Variants in LMF1 observed in about 807,000 individuals in gnomAD.
The protein encoded by LMF1 is transmembrane protein 112.
A neutral mutation model predicts 60.6 loss-of-function variants in LMF1; 68 were observed. The ratio of observed to expected loss-of-function variants is 1.12; its 90% confidence interval spans 0.92 to 1.37. The LOEUF is 1.37. Ranked by LOEUF, LMF1 falls within the 40% of genes most tolerant of loss-of-function variation. LMF1 has a pLI of 0.00. For missense variants in LMF1, 948 were observed against 767.2 expected (o/e 1.24, Z -2.78); for synonymous variants, 418 against 324.7 (o/e 1.29, Z -3.09).
intron 6 of LMF1, among the ~76,000 whole-genome samples, chr16:875,048 C>G (rs1397670029): frequency 6.6e-6 from 1 of 152,198 alleles, no homozygotes; most frequent in Non-Finnish European, 1.5e-5. Context: ...GGCCACGCCG[C>G]AGAGCACAGC....
intron 3 of LMF1, among the ~76,000 whole-genome samples, chr16:918,629 G>C (rs1187255185): frequency 6.6e-6 from 1 of 152,086 alleles, no homozygotes; most frequent in East Asian, 1.9e-4. Flanking sequence ...TGGGCTGCGG[G>C]GACGTTGTGC....
At chr16:909,090 T>C (rs890968833) in intron 4 of LMF1, among the ~76,000 whole-genome samples, 1 of 152,086 alleles carries the variant, frequency 6.6e-6, no homozygotes, top group African/African-American at 2.4e-5. Context: ...TGAGAGGCCA[T>C]GTAACCCTCC....
At chr16:889,856 G>A (rs1442969259) in intron 5 of LMF1, among the ~76,000 whole-genome samples, 3 of 152,170 alleles carry the variant, frequency 2.0e-5, no homozygotes, top group Non-Finnish European at 4.4e-5. Flanking sequence ...ACGGGAGGGA[G>A]CATCCTCGTC....
chr16:954,191 C>G (rs539202018), intron 2 of LMF1, 166 bp downstream of exon 2: 1 of 758,690 alleles, frequency 1.3e-6, no homozygotes, highest in South Asian at 1.5e-5. Flanking sequence ...GCTGCTGTGG[C>G]TGGTGCACTG....
chr16:916,594 G>A (rs1311191983), intron 3 of LMF1, among the ~76,000 whole-genome samples: 1 of 152,170 alleles, frequency 6.6e-6, no homozygotes, highest in South Asian at 2.1e-4. Flanking sequence ...CGCCAGTGGC[G>A]GGGCTGGGCA....
chr16:964,949 G>T (rs1183782851), intron 1 of LMF1, among the ~76,000 whole-genome samples: 1 of 152,218 alleles, frequency 6.6e-6, no homozygotes, highest in Non-Finnish European at 1.5e-5. Context: ...CAGAACAGAC[G>T]CCACAGTGCG....
At chr16:921,775 C>T (rs73499219) in intron 3 of LMF1, among the ~76,000 whole-genome samples, 19,711 of 152,232 alleles carry the variant, frequency 0.13, 1,426 homozygotes, top group South Asian at 0.2. Flanking sequence ...TACGTAACAA[C>T]GCAGCAAACC....
intron 9 of LMF1, chr16:869,346 G>A (rs1049911829): frequency 4.6e-6 from 3 of 647,166 alleles, no homozygotes; most frequent in Non-Finnish European, 8.6e-6. Context: ...CTGAGGCTCA[G>A]TTTTCTGGTG....
chr16:978,661 C>CGGT, intron 1 of LMF1, among the ~76,000 whole-genome samples: 3 of 152,170 alleles, frequency 2.0e-5, no homozygotes, highest in African/African-American at 7.2e-5. Flanking sequence ...ACTGCAAGGC[C>CGGT]CACTAGCAGG....
intron 3 of LMF1, among the ~76,000 whole-genome samples, chr16:927,008 C>T (rs538950399): frequency 1.0e-3 from 153 of 152,324 alleles, no homozygotes; most frequent in African/African-American, 3.6e-3. Flanking sequence ...CCCGAGACCC[C>T]AGTGGAGAGC....
intron 4 of LMF1, 46 bp downstream of exon 4, chr16:910,885 G>A (rs2071090740): frequency 1.9e-6 from 3 of 1,608,084 alleles, no homozygotes; most frequent in African/African-American, 2.7e-5. Flanking sequence ...CAGGTTAGAA[G>A]AGCCACCGTT....
At chr16:932,787 GT>G (rs1231453917) in intron 3 of LMF1, among the ~76,000 whole-genome samples, 3 of 152,324 alleles carry the variant, frequency 2.0e-5, no homozygotes, top group African/African-American at 7.2e-5. Context: ...GAAGAATGTA[GT>G]TTTCTCTGTG....
chr16:976,166 C>A (rs56255214), intron 1 of LMF1: 16,918 of 452,990 alleles, frequency 0.037, 440 homozygotes, highest in East Asian at 0.046. Flanking sequence ...TCTCAGAGGA[C>A]CTCAGCCCCC....
At chr16:880,137 C>T (rs974640109) in intron 5 of LMF1, among the ~76,000 whole-genome samples, 12 of 152,176 alleles carry the variant, frequency 7.9e-5, no homozygotes, top group Non-Finnish European at 2.9e-5. Context: ...GGTCCACAGG[C>T]GGCCCCTCAG....
intron 10 of LMF1, among the ~76,000 whole-genome samples, chr16:863,538 C>T (rs2069529685): frequency 6.6e-6 from 1 of 152,190 alleles, no homozygotes; most frequent in Non-Finnish European, 1.5e-5. Context: ...AGAACCATCT[C>T]TTTGTTTCAA....
intron 1 of LMF1, chr16:979,588 T>C (rs1254121434): frequency 4.4e-6 from 2 of 452,814 alleles, no homozygotes; most frequent in Non-Finnish European, 8.8e-6. Context: ...CCAGGGGTGC[T>C]GGAGTTCCCC....
chr16:857,369 G>C (rs1409575871), intron 10 of LMF1, among the ~76,000 whole-genome samples: 3 of 152,362 alleles, frequency 2.0e-5, no homozygotes, highest in East Asian at 3.9e-4. Flanking sequence ...CGATTTCTTG[G>C]TATCTTTGCC....
intron 5 of LMF1, among the ~76,000 whole-genome samples, chr16:889,000 TGCCG>T (rs2070396183): frequency 6.6e-6 from 1 of 152,208 alleles, no homozygotes; most frequent in Non-Finnish European, 1.5e-5. Flanking sequence ...CTGGTCCCTC[TGCCG>T]GCTGAGAGCA....
chr16:880,456 G>A (rs1227493340), intron 5 of LMF1, among the ~76,000 whole-genome samples: 1 of 152,226 alleles, frequency 6.6e-6, no homozygotes, highest in African/African-American at 2.4e-5. Context: ...CAGATCACTT[G>A]AGCCCAGGAG....
Sources: gnomAD v4.1 joint callset for allele counts (sites outside exome capture counted in the v4.1 genomes callset) on GRCh38, gnomAD v4.1.1 for gene constraint, MANE v1.5 for transcripts, NCBI Gene and HGNC (gene_info 2026-07-23, HGNC 2026-07-21) for gene names.